Variants in NDUFAF6 observed in about 807,000 individuals in gnomAD.
NDUFAF6 encodes the protein NADH dehydrogenase (ubiquinone) complex I, assembly factor 6.
A neutral mutation model predicts 40.8 loss-of-function variants in NDUFAF6; 45 were observed. That is an observed-to-expected ratio of 1.10 (90% confidence interval 0.87 to 1.42). The LOEUF is 1.42. Among genes scored for constraint, NDUFAF6 ranks in the 40% most tolerant of loss-of-function variants. The pLI is 0.00. For missense variants in NDUFAF6, 435 were observed against 418.5 expected, an observed-to-expected ratio of 1.04 and a Z score of -0.34; for synonymous variants, 185 against 155.9, an observed-to-expected ratio of 1.19 and a Z score of -1.39.
rs374101629 is a variant in NDUFAF6, at chr8:94,932,230, G to A, written c.-935-13253G>A. On this transcript the variant is annotated intron_variant, in intron 1 of 14. Coordinates refer to the NDUFAF6 transcript ENST00000396113. Reference sequence around the variant, plus strand: ...GTTTACTATGTGCCATTAAAGGCACGTACATGTGCTTAAGATAACATGTAA... The same window carrying A: ...GTTTACTATGTGCCATTAAAGGCACATACATGTGCTTAAGATAACATGTAA... The A allele has an allele frequency of 2.9e-4, 278 of 961,812 alleles. No individual in the cohort carries two copies. In the African/African-American group the frequency reaches 3.3e-3, roughly 12 times the overall value. The allele number at this position is 961,812 out of a possible 1,614,324, so 59.6% of individuals were successfully genotyped here.
Position 95,054,247 on chromosome 8 carries a change from C to T in NDUFAF6, c.873+2017C>T, listed in dbSNP as rs537922406. Among the ~76,000 whole-genome samples, 178 of 151,772 alleles carry T rather than the reference C, an allele frequency of 1.2e-3. 1 individual carries two copies. The highest frequency in any genetic ancestry group is 4.0e-3 in the African/African-American group (164 of 41,282). On this transcript the variant is annotated intron_variant, in intron 8 of 8. Coordinates refer to ENST00000396124, the MANE Select transcript of NDUFAF6 (RefSeq NM_152416.4). The stretch of plus-strand genomic sequence containing the variant: ...CAGGCATAAAACACCGTGCCCAGCC[C>T]CCTTTAGTTTTAATTGTGAGGTGTG...
At chr8:95,011,504 CTG>C (rs1203080306) in intron 2 of NDUFAF6, among the ~76,000 whole-genome samples, 2 of 152,168 alleles carry the variant, frequency 1.3e-5, no homozygotes, top group Non-Finnish European at 2.9e-5. Context: ...AGGGAAATAA[CTG>C]GGCATGGTAA....
At chr8:94,948,956 A>T (rs894905838) in intron 2 of NDUFAF6, among the ~76,000 whole-genome samples, 1 of 150,224 alleles carries the variant, frequency 6.7e-6, no homozygotes, top group Non-Finnish European at 1.5e-5. Context: ...GCCGCCGAGG[A>T]CCGACCCACT....
chr8:95,003,609 A>G (rs1403249575), intron 2 of NDUFAF6, among the ~76,000 whole-genome samples: 1 of 152,158 alleles, frequency 6.6e-6, no homozygotes, highest in Non-Finnish European at 1.5e-5. Context: ...TTACCCTTCA[A>G]CACTTTGTGT....
chr8:95,111,571 G>A lies in NDUFAF6; in HGVS notation n.345-3965G>A, dbSNP rs28504672. Reference sequence around the variant, plus strand: ...TTGAGATGGTTCCAACATCTTGCTCGTGTAGGTAGTGCCTTGGTAAGGTGT... The same window carrying A: ...TTGAGATGGTTCCAACATCTTGCTCATGTAGGTAGTGCCTTGGTAAGGTGT... On this transcript the variant is annotated intron_variant and non_coding_transcript_variant, in intron 4 of 5. Coordinates refer to the NDUFAF6 transcript ENST00000523184. Among the ~76,000 whole-genome samples, 448 of 152,206 alleles carry A rather than the reference G, an allele frequency of 2.9e-3. 2 individuals carry two copies. Among genetic ancestry groups the A allele is most frequent in the African/African-American group, 0.01 (419 of 41,528 alleles).
At chr8:95,071,755 G>A (rs1237358420) in intron 9 of NDUFAF6, 5 of 152,342 alleles carry the variant, frequency 3.3e-5, no homozygotes, top group Admixed American at 2.6e-4. Context: ...CCCAAGAGGT[G>A]GTAGCGGTGT....
chr8:94,937,698 C>CT (rs1234679832), intron 1 of NDUFAF6, among the ~76,000 whole-genome samples: 1 of 152,090 alleles, frequency 6.6e-6, no homozygotes, highest in East Asian at 1.9e-4. Flanking sequence ...ACTACAAGTA[C>CT]TGGAAGCAGG....
chr8:95,025,164 G>C lies in NDUFAF6; in HGVS notation c.156G>C (p.Pro52=). The change falls in exon 1 of 9, where the codon CCG becomes CCC. Residue 52 remains proline (P), a synonymous_variant. Transcript: ENST00000396124. Reference sequence around the variant, plus strand: ...GGAGCGTGGCTGCGGCCAGCGGACCGGGCGCCTGGGGCACTGACCACTACT... The same window carrying C: ...GGAGCGTGGCTGCGGCCAGCGGACCCGGCGCCTGGGGCACTGACCACTACT... ...SGRSVAAASG[P]GAWGTDHYCL... The C allele has an allele frequency of 6.8e-7, 1 of 1,480,466 alleles. No individual in the cohort carries two copies. Among genetic ancestry groups the C allele is most frequent in the Non-Finnish European group, 8.9e-7 (1 of 1,126,700 alleles). The allele number at this position is 1,480,466 out of a possible 1,614,324, so 91.7% of individuals were successfully genotyped here.
intron 1 of NDUFAF6, among the ~76,000 whole-genome samples, chr8:94,902,250 C>CTAAAAAAT (rs1554621642): frequency 1.1e-3 from 9 of 8,472 alleles, no homozygotes; most frequent in Admixed American, 5.7e-3. Context: ...GAAACTCTAT[C>CTAAAAAAT]AAAAAAACAA....
In NDUFAF6 at chr8:95,031,987, T is replaced by G; in HGVS notation, c.198-8T>G. The G allele has an allele frequency of 6.2e-7, 1 of 1,611,092 alleles. No individual in the cohort carries two copies. The highest frequency in any genetic ancestry group is 8.5e-7 in the Non-Finnish European group (1 of 1,177,208). ...AGAGTAACTGTCTTTTTTTTCTGTC[T>G]GTTACAGGAAACGGGATTATGAAGG... On this transcript the variant is annotated splice_polypyrimidine_tract_variant and splice_region_variant and intron_variant, in intron 1 of 8. Coordinates refer to ENST00000396124, the MANE Select transcript of NDUFAF6 (RefSeq NM_152416.4).
chr8:94,941,589 A>T (rs1345186363), intron 1 of NDUFAF6, among the ~76,000 whole-genome samples: 1 of 152,226 alleles, frequency 6.6e-6, no homozygotes, highest in Non-Finnish European at 1.5e-5. Flanking sequence ...AAGCCCAGCA[A>T]GCATACTTTG....
chr8:95,061,589 A>T (rs2678831), downstream of NDUFAF6, among the ~76,000 whole-genome samples: 133,324 of 152,166 alleles, frequency 0.88, 58,738 homozygotes, highest in East Asian at 1. Flanking sequence ...ATTTTTTGGA[A>T]AACTACAAAG....
chr8:94,965,983 G>A (rs550203992), intron 1 of NDUFAF6, among the ~76,000 whole-genome samples: 10 of 152,306 alleles, frequency 6.6e-5, no homozygotes, highest in African/African-American at 2.4e-4. Flanking sequence ...CTCAGAAAGT[G>A]AGTCAGGATT....
chr8:94,915,354 A>G (rs1819061219), intron 1 of NDUFAF6, among the ~76,000 whole-genome samples: 1 of 152,144 alleles, frequency 6.6e-6, no homozygotes, highest in Admixed American at 6.5e-5. Flanking sequence ...ATTTACTTAG[A>G]ATGACGGCCT....
rs59980877 is a variant in NDUFAF6, at chr8:94,925,041, C to A, written c.-935-20442C>A. On this transcript the variant is annotated intron_variant, in intron 1 of 14. Coordinates refer to the NDUFAF6 transcript ENST00000396113. ...TACAGGCACGAGCCATCATGCCCAG[C>A]CCAAAGTGGGGCTTTCATTTCAACC... Among the ~76,000 whole-genome samples the A allele has an allele frequency of 8.5e-3, 1,302 of 152,352 alleles. 10 individuals are homozygous for A. Among genetic ancestry groups the A allele is most frequent in the Middle Eastern group, 0.02 (6 of 294 alleles).
intron 4 of NDUFAF6, among the ~76,000 whole-genome samples, chr8:95,114,340 T>C (rs1587289784): frequency 6.6e-6 from 1 of 151,922 alleles, no homozygotes; most frequent in South Asian, 2.1e-4. Context: ...GACAGGCAGG[T>C]GGAGGTGAAT....
chr8:95,086,167 A>G (rs1339452375), intron 2 of NDUFAF6, among the ~76,000 whole-genome samples: 1 of 152,198 alleles, frequency 6.6e-6, no homozygotes, highest in Non-Finnish European at 1.5e-5. Flanking sequence ...CAGGGGACTG[A>G]AGGAGAAAAA....
chr8:95,044,228 G>A (rs887544413), intron 4 of NDUFAF6, among the ~76,000 whole-genome samples: 4 of 152,024 alleles, frequency 2.6e-5, no homozygotes, highest in Admixed American at 6.6e-5. Context: ...TGAGGAGGGG[G>A]GGAAATGGGA....
At chr8:94,996,961 G>A (rs1372891104) in intron 2 of NDUFAF6, among the ~76,000 whole-genome samples, 1 of 152,154 alleles carries the variant, frequency 6.6e-6, no homozygotes, top group Non-Finnish European at 1.5e-5. Flanking sequence ...ATGAATTTCT[G>A]TTGTTTAAGC....
Sources: allele counts gnomAD v4.1 joint callset (sites outside exome capture counted in the v4.1 genomes callset), GRCh38; gene constraint gnomAD v4.1.1; transcripts MANE v1.5; gene names NCBI Gene and HGNC (gene_info 2026-07-23, HGNC 2026-07-21).